The following MCM5 variants were observed in gnomAD, a reference collection of about 807,000 sequenced individuals.
MCM5 encodes DNA replication licensing factor MCM5.
In MCM5, 46 loss-of-function variants were observed where a neutral mutation model predicts 79.9. That is an observed-to-expected ratio of 0.58 (90% CI 0.45 to 0.74). The LOEUF (loss-of-function observed/expected upper bound fraction) is 0.74. Among genes scored for constraint, MCM5 ranks in the 30% least tolerant of loss-of-function variants. The probability of loss-of-function intolerance (pLI) is 0.00; values close to 1 mark genes in which losing one functional copy is unlikely to be tolerated. For missense variants in MCM5, 883 were observed against 1,017.0 expected (o/e 0.87, Z 1.79); for synonymous variants, 404 against 390.5 (o/e 1.03, Z -0.41).
At chr22:35,405,236 TCGAACTCCTGAC>T (rs1389754928) in intron 4 of MCM5, among the ~76,000 whole-genome samples, 1 of 152,112 alleles carries the variant, frequency 6.6e-6, no homozygotes, top group Non-Finnish European at 1.5e-5. Context: ...CAGGCTGGTC[TCGAACTCCTGAC>T]CTCAGGTGAT....
chr22:35,428,970 C>CTTTTTTT (rs35549972), downstream of MCM5, among the ~76,000 whole-genome samples: 10 of 65,516 alleles, frequency 1.5e-4, no homozygotes, highest in African/African-American at 2.7e-4. Flanking sequence ...TTTCTTTGAC[C>CTTTTTTT]TTTTTTTTTT....
chr22:35,453,850 A>AG, the MCM5 span, among the ~76,000 whole-genome samples: 1 of 147,126 alleles, frequency 6.8e-6, no homozygotes, highest in Non-Finnish European at 1.5e-5. Flanking sequence ...AGAGAGAGAT[A>AG]GGGAGAGGGA....
At chr22:35,454,779 G>A in the MCM5 span, among the ~76,000 whole-genome samples, 4 of 152,146 alleles carry the variant, frequency 2.6e-5, no homozygotes, top group Admixed American at 1.3e-4. Context: ...TGGCTTCTCG[G>A]CCTCTGCACT....
intron 14 of MCM5, among the ~76,000 whole-genome samples, chr22:35,420,350 A>G (rs536654857): frequency 2.0e-5 from 3 of 152,330 alleles, no homozygotes; most frequent in African/African-American, 7.2e-5. Flanking sequence ...CTGTAGGGAA[A>G]TTACATTCCT....
chr22:35,436,028 A>C, the MCM5 span, among the ~76,000 whole-genome samples: 1 of 152,018 alleles, frequency 6.6e-6, no homozygotes, highest in East Asian at 1.9e-4. Flanking sequence ...TTAGCTGGGC[A>C]TGGTGGTGCA....
downstream of MCM5, among the ~76,000 whole-genome samples, chr22:35,429,712 T>A (rs1459507432): frequency 6.6e-6 from 1 of 151,910 alleles, no homozygotes; most frequent in African/African-American, 2.4e-5. Context: ...ATTTTTGTAT[T>A]TTTAGTAGAG....
At chr22:35,443,313 A>G in the MCM5 span, among the ~76,000 whole-genome samples, 4 of 152,050 alleles carry the variant, frequency 2.6e-5, no homozygotes, top group Non-Finnish European at 4.4e-5. Flanking sequence ...CACCCTCCCC[A>G]GTAGCTGGGA....
intron 12 of MCM5, among the ~76,000 whole-genome samples, chr22:35,417,194 C>T (rs190770258): frequency 2.6e-5 from 4 of 152,282 alleles, no homozygotes; most frequent in African/African-American, 4.8e-5. Flanking sequence ...GTAAGTCCGG[C>T]GGCTTAAGGC....
At chr22:35,444,418 C>A in the MCM5 span, among the ~76,000 whole-genome samples, 1 of 152,134 alleles carries the variant, frequency 6.6e-6, no homozygotes, top group Admixed American at 6.5e-5. Context: ...CAGCTGCTCT[C>A]AAAATAGCTG....
At chr22:35,441,397 C>G in the MCM5 span, among the ~76,000 whole-genome samples, 1 of 152,244 alleles carries the variant, frequency 6.6e-6, no homozygotes, top group African/African-American at 2.4e-5. Flanking sequence ...GGGACCAGAA[C>G]AGCAGATGCT....
At position 35,403,591 on chromosome 22, in the gene MCM5, C is replaced by G. The variant is rs150587273; in HGVS notation, c.423+49C>G. On this transcript the variant is annotated intron_variant, in intron 4 of 16. Transcript: ENST00000216122. ...TGCATGGTGCAGAGGGCTTTGGATG[C>G]AGCCAGACCTGAGTGCTAGCTGTGT... 421 of 1,600,156 alleles carry G rather than the reference C, an allele frequency of 2.6e-4. 3 individuals are homozygous for G. In the East Asian group the frequency reaches 8.3e-3, roughly 31 times the overall value.
At chr22:35,431,328 CA>C in the MCM5 span, among the ~76,000 whole-genome samples, 1 of 152,188 alleles carries the variant, frequency 6.6e-6, no homozygotes, top group Non-Finnish European at 1.5e-5. Context: ...AGCCGGGGTC[CA>C]AACCCACGGA....
chr22:35,431,051 T>G, the MCM5 span, among the ~76,000 whole-genome samples: 1 of 152,166 alleles, frequency 6.6e-6, no homozygotes, highest in African/African-American at 2.4e-5. Context: ...CGGCCTGGCC[T>G]GCAGGGCCAG....
the MCM5 span, among the ~76,000 whole-genome samples, chr22:35,448,282 G>T: frequency 6.6e-6 from 1 of 152,108 alleles, no homozygotes; most frequent in Non-Finnish European, 1.5e-5. Flanking sequence ...ACGGGAAGGC[G>T]AAGTTGGCTT....
chr22:35,436,680 C>G, the MCM5 span, among the ~76,000 whole-genome samples: 3 of 152,186 alleles, frequency 2.0e-5, no homozygotes, highest in African/African-American at 7.2e-5. Flanking sequence ...GCTTTCTGCC[C>G]CTGCATCACC....
chr22:35,420,817 C>T (rs1932673993), intron 14 of MCM5, among the ~76,000 whole-genome samples: 3 of 152,154 alleles, frequency 2.0e-5, no homozygotes, highest in African/African-American at 7.2e-5. Flanking sequence ...TAGTGGATCG[C>T]TGTGTGCCAG....
the MCM5 span, among the ~76,000 whole-genome samples, chr22:35,436,051 C>T: frequency 6.6e-6 from 1 of 150,880 alleles, no homozygotes; most frequent in Non-Finnish European, 1.5e-5. Context: ...CCTGTAATCC[C>T]AGCTACTCGG....
At chr22:35,423,008 C>G (rs1932733566) in intron 15 of MCM5, 1 of 420,522 alleles carries the variant, frequency 2.4e-6, no homozygotes, top group African/African-American at 2.0e-5. Flanking sequence ...GCCTCTGTGA[C>G]TTTGTGCTTG....
the MCM5 span, among the ~76,000 whole-genome samples, chr22:35,431,089 G>A: frequency 1.4e-4 from 21 of 152,258 alleles, no homozygotes; most frequent in Admixed American, 4.6e-4. Context: ...GGGACTTCCC[G>A]GCCTCCTACC....
Sources: allele counts gnomAD v4.1 joint callset (sites outside exome capture counted in the v4.1 genomes callset), GRCh38; gene constraint gnomAD v4.1.1; transcripts MANE v1.5; gene names NCBI Gene and HGNC (gene_info 2026-07-23, HGNC 2026-07-21).